The following PARM1 variants were observed in gnomAD, a reference collection of about 807,000 sequenced individuals.
The protein encoded by PARM1 is prostate androgen-regulated mucin-like protein 1, also known as WSC4, cell wall integrity and stress response component 4 homolog.
A neutral mutation model predicts 24.6 loss-of-function variants in PARM1; 14 were observed. The observed-to-expected ratio is 0.57, with a 90% CI of 0.38 to 0.89. The LOEUF (loss-of-function observed/expected upper bound fraction) is 0.89. PARM1 is among the 40% of genes least tolerant of loss of function. The pLI is 0.00. For missense variants in PARM1, 362 were observed against 380.4 expected, an observed-to-expected ratio of 0.95 and a Z score of 0.40; for synonymous variants, 179 against 156.6, an observed-to-expected ratio of 1.14 and a Z score of -1.07.
At chr4:74,997,879 G>A (rs901601304) in intron 1 of PARM1, 2 of 152,130 alleles carry the variant, frequency 1.3e-5, no homozygotes, top group Non-Finnish European at 2.9e-5. Flanking sequence ...TCTAAGCAGC[G>A]ACGCATATAG....
At chr4:75,027,627 G>A (rs905117813) in intron 2 of PARM1, among the ~76,000 whole-genome samples, 3 of 152,270 alleles carry the variant, frequency 2.0e-5, no homozygotes, top group South Asian at 2.1e-4. Context: ...ACACTGAAAT[G>A]AACAGCATTT....
At chr4:75,027,366 G>A (rs1321182839) in intron 2 of PARM1, among the ~76,000 whole-genome samples, 2 of 152,088 alleles carry the variant, frequency 1.3e-5, no homozygotes, top group Non-Finnish European at 2.9e-5. Context: ...GGGTAAGAGG[G>A]AGGAGACGAG....
At chr4:74,942,094 T>A (rs1721320948) in intron 1 of PARM1, among the ~76,000 whole-genome samples, 1 of 152,196 alleles carries the variant, frequency 6.6e-6, no homozygotes, top group Admixed American at 6.5e-5. Context: ...GTTCAACCAG[T>A]CTCTATCAAG....
rs550046761 is a variant in PARM1, at chr4:74,966,839, G to A, written c.43+33469G>A. ...TTTCACATTCACCATCTAGAGTTTG[G>A]CCATTGGCATTACGGGTGTTGATGT... is the stretch of plus-strand genomic sequence containing the variant. On this transcript the variant is annotated intron_variant, in intron 1 of 3. Transcript: ENST00000307428. 3.9e-5 allele frequency: 6 copies of A among 152,282 alleles called. No individual in the cohort carries two copies. The South Asian group carries it at 1.0e-3, about 26-fold the overall frequency. The allele number at this position is 152,282 out of a possible 1,614,324, so 9.4% of individuals were successfully genotyped here. A position where few individuals can be genotyped will look rare whatever the true frequency, so the allele number is the denominator to read the frequency against.
intron 1 of PARM1, chr4:74,969,696 G>A (rs898606224): frequency 2.0e-5 from 3 of 152,248 alleles, no homozygotes; most frequent in Non-Finnish European, 4.4e-5. Flanking sequence ...GAGTAGTGTT[G>A]CAATGAAACT....
At chr4:75,014,595 A>G (rs2109796316) in intron 2 of PARM1, among the ~76,000 whole-genome samples, 1 of 152,262 alleles carries the variant, frequency 6.6e-6, no homozygotes, top group Middle Eastern at 3.4e-3. Flanking sequence ...AGTGAAGGGA[A>G]TGACTACTCT....
At chr4:74,935,439 A>G (rs938058996) in intron 1 of PARM1, among the ~76,000 whole-genome samples, 2 of 152,224 alleles carry the variant, frequency 1.3e-5, no homozygotes, top group South Asian at 2.1e-4. Context: ...TTCAGAATGT[A>G]AAATATCATT....
intron 2 of PARM1, among the ~76,000 whole-genome samples, chr4:75,023,188 G>T (rs1355189873): frequency 6.6e-6 from 1 of 152,208 alleles, no homozygotes; most frequent in Non-Finnish European, 1.5e-5. Context: ...CTGTAGGAAG[G>T]CAAGAATGTT....
chr4:74,949,297 C>T (rs914591589), intron 1 of PARM1, among the ~76,000 whole-genome samples: 5 of 152,122 alleles, frequency 3.3e-5, no homozygotes, highest in African/African-American at 1.2e-4. Context: ...AAGAAATGGG[C>T]ATGAGTTATA....
intron 3 of PARM1, among the ~76,000 whole-genome samples, chr4:75,039,532 AT>A (rs1723437940): frequency 1.3e-5 from 2 of 152,172 alleles, no homozygotes; most frequent in Admixed American, 6.5e-5. Context: ...AGAAAAAAAA[AT>A]AAAATAAAAT....
intron 1 of PARM1, among the ~76,000 whole-genome samples, chr4:75,005,804 C>T (rs1452057161): frequency 6.6e-6 from 1 of 152,204 alleles, no homozygotes; most frequent in Non-Finnish European, 1.5e-5. Flanking sequence ...TTGAACCTGA[C>T]CAGACTTCAG....
At chr4:74,996,424 T>C (rs1722577675) in intron 1 of PARM1, among the ~76,000 whole-genome samples, 1 of 152,186 alleles carries the variant, frequency 6.6e-6, no homozygotes, top group Non-Finnish European at 1.5e-5. Flanking sequence ...TCAAACTTTC[T>C]TCAAATACAT....
At chr4:74,978,155 TA>T (rs1722173409) in intron 1 of PARM1, among the ~76,000 whole-genome samples, 1 of 152,136 alleles carries the variant, frequency 6.6e-6, no homozygotes, top group Admixed American at 6.5e-5. Flanking sequence ...TGCCCCCAAT[TA>T]AAAGACACAG....
intron 1 of PARM1, among the ~76,000 whole-genome samples, chr4:74,989,401 C>A (rs1014717782): frequency 2.0e-5 from 3 of 152,158 alleles, no homozygotes; most frequent in Non-Finnish European, 4.4e-5. Context: ...AAAACACTTA[C>A]ATTTACCAGC....
intron 1 of PARM1, among the ~76,000 whole-genome samples, chr4:75,009,293 C>T (rs376376192): frequency 2.6e-5 from 4 of 152,216 alleles, no homozygotes; most frequent in South Asian, 2.1e-4. Flanking sequence ...CTCTATAGCA[C>T]GGCCTTCCAT....
At chr4:74,964,102 T>C (rs904628367) in intron 1 of PARM1, among the ~76,000 whole-genome samples, 1 of 152,218 alleles carries the variant, frequency 6.6e-6, no homozygotes, top group Non-Finnish European at 1.5e-5. Flanking sequence ...GCTGCCTCAT[T>C]CTCCTTAAGA....
chr4:74,973,475 G>T (rs998554402), intron 1 of PARM1, among the ~76,000 whole-genome samples: 1 of 8,354 alleles, frequency 1.2e-4, no homozygotes, highest in Non-Finnish European at 2.3e-4. Flanking sequence ...CCCCCTCACC[G>T]CCTCCCCAGT....
intron 1 of PARM1, among the ~76,000 whole-genome samples, chr4:74,995,914 C>T (rs180928549): frequency 2.6e-5 from 4 of 152,292 alleles, no homozygotes; most frequent in Admixed American, 2.6e-4. Flanking sequence ...CAAGGCCCTA[C>T]ATGATTTGGT....
At chr4:75,003,987 TGG>T (rs1722727587) in intron 1 of PARM1, among the ~76,000 whole-genome samples, 1 of 152,210 alleles carries the variant, frequency 6.6e-6, no homozygotes, top group Non-Finnish European at 1.5e-5. Context: ...CACCAAAAGC[TGG>T]TGACCTTGGT....
Sources: allele counts gnomAD v4.1 joint callset (sites outside exome capture counted in the v4.1 genomes callset), GRCh38; gene constraint gnomAD v4.1.1; transcripts MANE v1.5; gene names NCBI Gene and HGNC (gene_info 2026-07-23, HGNC 2026-07-21).